Variants in LYST observed in about 807,000 individuals in gnomAD.
LYST encodes lysosomal trafficking regulator.
A neutral mutation model predicts 413.6 loss-of-function variants in LYST; 192 were observed. The observed-to-expected ratio is 0.46, with a 90% CI of 0.41 to 0.52. The LOEUF (loss-of-function observed/expected upper bound fraction) is 0.52. LYST is among the 20% of genes least tolerant of loss of function. LYST has a pLI of 0.00. For synonymous variants in LYST, 1,525 were observed against 1,567.3 expected, an observed-to-expected ratio of 0.97 and a Z score of 0.64; for missense variants, 3,815 against 4,499.9, an observed-to-expected ratio of 0.85 and a Z score of 4.35.
chr1:235,676,928 T>C (rs957307270), intron 50 of LYST, among the ~76,000 whole-genome samples, 163 bp downstream of exon 50: 1 of 152,240 alleles, frequency 6.6e-6, no homozygotes, highest in Non-Finnish European at 1.5e-5. Flanking sequence ...ATTGATGCAC[T>C]CAGTCTTGGA....
intron 20 of LYST, among the ~76,000 whole-genome samples, chr1:235,769,562 G>A (rs1668461522): frequency 6.6e-6 from 1 of 151,768 alleles, no homozygotes; most frequent in Non-Finnish European, 1.5e-5. Context: ...AAAAAAACTT[G>A]GAAAATTGTC....
At position 235,806,545 on chromosome 1, in the gene LYST, T is replaced by C. The variant is rs1672855722; in HGVS notation, c.2591A>G (p.Tyr864Cys). The C allele has an allele frequency of 3.7e-6, 6 of 1,613,992 alleles. No homozygotes were observed. The East Asian group carries it at 1.3e-4, about 36-fold the overall frequency. ...VGTSFHHQQAYSDSPQSLSKF... is the reference protein window; with the variant it reads ...VGTSFHHQQACSDSPQSLSKF... ...GCTGAGACTCTGAGGAGAATCTGAA[T>C]AAGCTTGCTGATGATGAAAAGAAGT... Residue 864 changes from tyrosine to cysteine, a missense_variant, in exon 6 of 53, where the codon TAT becomes TGT. Tyr to Cys is a radical substitution (Grantham distance 194, BLOSUM62 -2). Transcript: ENST00000389793.
chr1:235,866,160 C>A (rs950193168), intron 1 of LYST, among the ~76,000 whole-genome samples: 2 of 152,166 alleles, frequency 1.3e-5, no homozygotes, highest in African/African-American at 4.8e-5. Flanking sequence ...CGGGTAATTT[C>A]CCAGCTTATT....
chr1:235,855,625 G>T (rs944599385), intron 1 of LYST, among the ~76,000 whole-genome samples: 1 of 151,992 alleles, frequency 6.6e-6, no homozygotes. Context: ...TCCTAAATGT[G>T]AAATGAAAAT....
At chr1:235,863,531 G>A (rs568423969) in intron 1 of LYST, among the ~76,000 whole-genome samples, 1 of 150,966 alleles carries the variant, frequency 6.6e-6, no homozygotes, top group East Asian at 1.9e-4. Context: ...AGATGAAGGT[G>A]TTCAAGTTAA....
At position 235,808,433 on chromosome 1, in the gene LYST, C is replaced by T. The variant is rs190835099; in HGVS notation, c.2363+22G>A. 76 of 1,608,638 alleles carry T rather than the reference C, an allele frequency of 4.7e-5. No homozygotes were observed. The African/African-American group carries it at 8.3e-4, about 18-fold the overall frequency. The stretch of plus-strand genomic sequence containing the variant: ...CATGCTCAACAACCCCCGCCCCCGC[C>T]GCCACCCACACACATACAAACCTGG... On this transcript the variant is annotated intron_variant, in intron 5 of 52. Coordinates refer to ENST00000389793, the MANE Select transcript of LYST (RefSeq NM_000081.4).
intron 40 of LYST, among the ~76,000 whole-genome samples, chr1:235,718,435 C>T (rs1197948804): frequency 6.6e-6 from 1 of 151,850 alleles, no homozygotes; most frequent in Non-Finnish European, 1.5e-5. Flanking sequence ...CTCCGCCTCC[C>T]AAGTTCAAGT....
intron 3 of LYST, among the ~76,000 whole-genome samples, chr1:235,817,746 A>C (rs1030191759): frequency 1.3e-5 from 2 of 152,058 alleles, no homozygotes; most frequent in East Asian, 1.9e-4. Flanking sequence ...AGGATCAAAA[A>C]ACTATCGATT....
At position 235,832,215 on chromosome 1, in the gene LYST, C is replaced by A. The variant is rs529485716; in HGVS notation, c.-8+1363G>T. Reference sequence around the variant, plus strand: ...CAATGCACAGAAGTCTGCTGAAGCACTGACAATGTGAAAGTCTATGATCAA... The same window carrying A: ...CAATGCACAGAAGTCTGCTGAAGCAATGACAATGTGAAAGTCTATGATCAA... On this transcript the variant is annotated intron_variant, in intron 2 of 52. Coordinates refer to ENST00000389793, the MANE Select transcript of LYST (RefSeq NM_000081.4). Among the ~76,000 whole-genome samples the A allele has an allele frequency of 3.9e-5, 6 of 152,328 alleles. No individual in the cohort carries two copies. The South Asian group carries it at 1.2e-3, about 32-fold the overall frequency.
At chr1:235,816,878 T>C (rs867502373) in intron 3 of LYST, among the ~76,000 whole-genome samples, 4 of 152,026 alleles carry the variant, frequency 2.6e-5, no homozygotes, top group African/African-American at 7.2e-5. Context: ...AATTGACAAA[T>C]GGGACTTAAT....
At chr1:235,708,783 T>C (rs1662185643) in intron 44 of LYST, among the ~76,000 whole-genome samples, 1 of 152,202 alleles carries the variant, frequency 6.6e-6, no homozygotes, top group Non-Finnish European at 1.5e-5. Flanking sequence ...CTTTGCCCCA[T>C]GCTGATTCTA....
In LYST at chr1:235,794,505, A is replaced by G. The variant is rs142880080; in HGVS notation, c.4007-893T>C. Among the ~76,000 whole-genome samples the G allele has an allele frequency of 4.5e-3, 688 of 152,292 alleles. 3 individuals are homozygous for G. Among genetic ancestry groups the G allele is most frequent in the Non-Finnish European group, 7.6e-3 (519 of 68,004 alleles). On this transcript the variant is annotated intron_variant, in intron 10 of 52. Coordinates refer to ENST00000389793, the MANE Select transcript of LYST (RefSeq NM_000081.4). Reference sequence around the variant, plus strand: ...ATTATAGTGTTCAAAGTATTTTTACATGCTTTATTTCAGCTGATCCTCACC... The same window carrying G: ...ATTATAGTGTTCAAAGTATTTTTACGTGCTTTATTTCAGCTGATCCTCACC...
chr1:235,745,909 T>A (rs747463089), intron 29 of LYST, among the ~76,000 whole-genome samples: 3 of 152,162 alleles, frequency 2.0e-5, no homozygotes, highest in Admixed American at 6.5e-5. Context: ...TGGGTGTGGC[T>A]AAGAGAAGGG....
At chr1:235,793,984 C>T (rs1671302764) in intron 10 of LYST, among the ~76,000 whole-genome samples, 1 of 152,048 alleles carries the variant, frequency 6.6e-6, no homozygotes, top group Non-Finnish European at 1.5e-5. Flanking sequence ...AGGCACGTGT[C>T]ACCATGCCCA....
chr1:235,730,618 T>C (rs1664303547), intron 36 of LYST, among the ~76,000 whole-genome samples: 1 of 140,668 alleles, frequency 7.1e-6, no homozygotes, highest in African/African-American at 2.6e-5. Context: ...TGTGTGTATA[T>C]GTAAACTAAC....
In LYST at chr1:235,730,436, A is replaced by G. The variant is rs148753672; in HGVS notation, c.9044+411T>C. ...CACTACGTTATATTGCTGCTTGATG[A>G]TACCACCAGCAGCTCTATCTATATT... is the stretch of plus-strand genomic sequence containing the variant. On this transcript the variant is annotated intron_variant, in intron 36 of 52. Transcript: ENST00000389793. 1.5e-3 allele frequency among the ~76,000 whole-genome samples: 233 copies of G among 152,152 alleles called. 1 individual carries two copies. The highest frequency in any genetic ancestry group is 2.6e-3 in the Non-Finnish European group (177 of 68,008).
chr1:235,695,051 G>A (rs928387401), intron 46 of LYST, among the ~76,000 whole-genome samples: 1 of 152,178 alleles, frequency 6.6e-6, no homozygotes, highest in Non-Finnish European at 1.5e-5. Context: ...TGCCTCTCTA[G>A]AATGTCTATG....
chr1:235,710,805 CCTCTTGGAA>C (rs766612193), intron 43 of LYST, among the ~76,000 whole-genome samples: 2 of 152,310 alleles, frequency 1.3e-5, no homozygotes, highest in Admixed American at 6.5e-5. Flanking sequence ...TGTTCGTCTC[CCTCTTGGAA>C]CACTTGTCTT....
chr1:235,712,017 G>T, intron 43 of LYST, 40 bp downstream of exon 43: 1 of 1,458,000 alleles, frequency 6.9e-7, no homozygotes, highest in East Asian at 2.5e-5. Flanking sequence ...ATAACCACAA[G>T]CCCTCAGAAA....
Sources: gnomAD v4.1 joint callset for allele counts (sites outside exome capture counted in the v4.1 genomes callset) on GRCh38, gnomAD v4.1.1 for gene constraint, MANE v1.5 for transcripts, NCBI Gene and HGNC (gene_info 2026-07-23, HGNC 2026-07-21) for gene names.